Variants in FBXL13 observed in about 807,000 individuals in gnomAD.
FBXL13 encodes F-box and leucine-rich repeat protein 13.
FBXL13 carries 67 observed loss-of-function variants against 83.6 expected under a neutral mutation model. The observed-to-expected ratio is 0.80, with a 90% confidence interval of 0.66 to 0.98. FBXL13 has a LOEUF of 0.98. Among genes scored for constraint, FBXL13 ranks in the 50% least tolerant of loss-of-function variants. The probability of loss-of-function intolerance (pLI) is 0.00; values close to 1 mark genes in which losing one functional copy is unlikely to be tolerated. For synonymous variants in FBXL13, 272 were observed against 299.5 expected, an observed-to-expected ratio of 0.91 and a Z score of 0.95; for missense variants, 822 against 866.5, an observed-to-expected ratio of 0.95 and a Z score of 0.64.
At chr7:103,007,989 G>A (rs1434086894) in intron 6 of FBXL13, among the ~76,000 whole-genome samples, 1 of 152,190 alleles carries the variant, frequency 6.6e-6, no homozygotes, top group African/African-American at 2.4e-5. Context: ...GGAAGGCAAT[G>A]AGGAGGCATG....
chr7:102,945,035 T>C (rs943163257), intron 8 of FBXL13: 14 of 153,686 alleles, frequency 9.1e-5, no homozygotes, highest in Non-Finnish European at 2.9e-5. Context: ...TGTCATTCCC[T>C]ACCCCTCTAC....
chr7:103,072,570 T>C (rs1166032965), intron 1 of FBXL13, among the ~76,000 whole-genome samples: 2 of 152,178 alleles, frequency 1.3e-5, no homozygotes, highest in African/African-American at 2.4e-5. Flanking sequence ...CATCCCTTCC[T>C]TGATGTACCC....
intron 9 of FBXL13, among the ~76,000 whole-genome samples, chr7:102,926,607 C>T (rs1039670330): frequency 1.3e-5 from 2 of 152,200 alleles, no homozygotes; most frequent in South Asian, 2.1e-4. Context: ...AAGTCTCATT[C>T]CATCACAATG....
chr7:103,016,325 G>C lies in FBXL13; in HGVS notation c.495+8738C>G, dbSNP rs370299737. Among the ~76,000 whole-genome samples, 166 of 146,442 alleles carry C rather than the reference G, an allele frequency of 1.1e-3. 2 individuals carry two copies. Among genetic ancestry groups the C allele is most frequent in the African/African-American group, 4.1e-3 (164 of 39,974 alleles). On this transcript the variant is annotated intron_variant, in intron 6 of 19. Coordinates refer to ENST00000313221, the Ensembl canonical transcript of FBXL13. The stretch of plus-strand genomic sequence containing the variant: ...TTACAAAAACAGAAATGTGGGGGGG[G>C]TGGGGGGAGGTTCCAAGATGGCCGA...
chr7:102,894,024 A>C (rs188505622), intron 11 of FBXL13, among the ~76,000 whole-genome samples: 1 of 152,104 alleles, frequency 6.6e-6, no homozygotes, highest in African/African-American at 2.4e-5. Context: ...AGGAAAGAAA[A>C]GAAAAGAAAG....
chr7:103,070,890 C>T (rs539348511), intron 1 of FBXL13, among the ~76,000 whole-genome samples: 1 of 152,276 alleles, frequency 6.6e-6, no homozygotes, highest in East Asian at 1.9e-4. Context: ...TCCCACTGGG[C>T]CCCACCTCCA....
Position 103,039,630 on chromosome 7 carries a change from G to A in FBXL13, c.1-10212C>T, listed in dbSNP as rs116070866. Among the ~76,000 whole-genome samples, 422 of 152,150 alleles carry A rather than the reference G, an allele frequency of 2.8e-3. 5 individuals are homozygous for A. The highest frequency in any genetic ancestry group is 9.6e-3 in the African/African-American group (400 of 41,498). ...ACATCAGACTAACAGGGGATCTCTC[G>A]GCGGAAACCTTATAAGCCAGAAGAG... is the stretch of plus-strand genomic sequence containing the variant. On this transcript the variant is annotated intron_variant, in intron 2 of 19. Coordinates refer to ENST00000313221, the Ensembl canonical transcript of FBXL13.
chr7:102,995,253 G>T (rs1035545825), intron 6 of FBXL13, among the ~76,000 whole-genome samples: 1 of 142,490 alleles, frequency 7.0e-6, no homozygotes, highest in Non-Finnish European at 1.5e-5. Flanking sequence ...AGGCCAAGGC[G>T]GGCAGATCAC....
intron 11 of FBXL13, among the ~76,000 whole-genome samples, chr7:102,899,080 T>C (rs527569958): frequency 2.0e-5 from 3 of 152,270 alleles, no homozygotes; most frequent in Admixed American, 2.0e-4. Context: ...CATACTTGGC[T>C]AACTGTTGAA....
chr7:102,922,122 G>A lies in FBXL13; in HGVS notation c.878+4152C>T, dbSNP rs377429012. Among the ~76,000 whole-genome samples, 20 of 152,006 alleles carry A rather than the reference G, an allele frequency of 1.3e-4. No individual in the cohort carries two copies. In the East Asian group the frequency reaches 1.4e-3, roughly 10 times the overall value. On this transcript the variant is annotated intron_variant, in intron 10 of 19. Transcript: ENST00000313221. ...GGAGACTTGCTTGAGCCCGCGAGGC[G>A]GAGGTTGCAGTGAGCTGAGGTCGTG...
At chr7:102,926,285 T>C (rs1375579040) in exon 10 of FBXL13, 1 of 1,612,368 alleles carries the variant, frequency 6.2e-7, no homozygotes, top group African/African-American at 1.3e-5. Context: ...TCGGCAGGAG[T>C]CGCATCGTCC....
At chr7:102,823,744 T>A (rs948541932) in intron 18 of FBXL13, among the ~76,000 whole-genome samples, 3 of 152,244 alleles carry the variant, frequency 2.0e-5, no homozygotes, top group African/African-American at 7.2e-5. Context: ...TTGGCTCTTG[T>A]TTTAACATAA....
intron 2 of FBXL13, among the ~76,000 whole-genome samples, chr7:103,040,138 G>A (rs1049757106): frequency 1.3e-5 from 2 of 151,840 alleles, no homozygotes; most frequent in Admixed American, 6.6e-5. Flanking sequence ...TACTTACCAA[G>A]CAAATGGAAA....
At chr7:103,057,541 T>C (rs1351196351) in intron 1 of FBXL13, among the ~76,000 whole-genome samples, 1 of 152,256 alleles carries the variant, frequency 6.6e-6, no homozygotes, top group East Asian at 1.9e-4. Flanking sequence ...TAAGAACTCT[T>C]AAAAACACAT....
chr7:102,943,524 CA>C (rs1278880599), intron 8 of FBXL13, among the ~76,000 whole-genome samples: 1 of 152,100 alleles, frequency 6.6e-6, no homozygotes, highest in Non-Finnish European at 1.5e-5. Context: ...ATTCTCTCCA[CA>C]AAGGTAGTAA....
At chr7:103,063,944 T>C (rs1340254347) in intron 1 of FBXL13, among the ~76,000 whole-genome samples, 3 of 152,212 alleles carry the variant, frequency 2.0e-5, no homozygotes, top group Admixed American at 6.5e-5. Context: ...ATACGTACTC[T>C]ATTAGCTCCT....
rs560753619 is a variant in FBXL13 at position 103,030,737 on chromosome 7, T to C, written c.1-1319A>G. Among the ~76,000 whole-genome samples the C allele has an allele frequency of 5.3e-5, 8 of 152,282 alleles. No homozygotes were observed. The South Asian group carries it at 8.3e-4, about 16-fold the overall frequency. ...AATTATTAAAATTCAGCAAATACCA[T>C]TTGAACTCAAGTTTTCTTTTCTGAT... On this transcript the variant is annotated intron_variant, in intron 2 of 19. Coordinates refer to ENST00000313221, the Ensembl canonical transcript of FBXL13.
At chr7:102,825,921 G>A (rs1252524138) in intron 18 of FBXL13, among the ~76,000 whole-genome samples, 2 of 152,164 alleles carry the variant, frequency 1.3e-5, no homozygotes, top group East Asian at 3.8e-4. Context: ...TTTGTAGAAT[G>A]GTTACCCGAG....
At chr7:103,028,460 G>C (rs1794169888) in intron 4 of FBXL13, 140 bp downstream of exon 5, 2 of 519,996 alleles carry the variant, frequency 3.8e-6, no homozygotes, top group Admixed American at 8.4e-5. Context: ...TAAATTAGCA[G>C]CTCTACCTTC....
Sources: gnomAD v4.1 joint callset for allele counts (sites outside exome capture counted in the v4.1 genomes callset) on GRCh38, gnomAD v4.1.1 for gene constraint, MANE v1.5 for transcripts, NCBI Gene and HGNC (gene_info 2026-07-23, HGNC 2026-07-21) for gene names.